The following ZMAT4 variants were observed in gnomAD, a reference collection of about 807,000 sequenced individuals.
ZMAT4 encodes zinc finger matrin-type protein 4.
Under a neutral mutation model 28.7 loss-of-function variants are expected in ZMAT4, and 17 were observed. The observed-to-expected ratio is 0.59, with a 90% CI of 0.41 to 0.89. The LOEUF (loss-of-function observed/expected upper bound fraction) is 0.89, where lower values mean the gene tolerates loss of function less well. Ranked by LOEUF, ZMAT4 falls within the 40% of genes least tolerant of loss-of-function variation. The pLI, the probability that ZMAT4 is intolerant of heterozygous loss-of-function variation, is 0.00. For synonymous variants in ZMAT4, 117 were observed against 109.2 expected (o/e 1.07, Z -0.44); for missense variants, 240 against 283.8 (o/e 0.85, Z 1.11).
At chr8:40,838,709 C>G (rs981901600) in intron 1 of ZMAT4, among the ~76,000 whole-genome samples, 1 of 152,134 alleles carries the variant, frequency 6.6e-6, no homozygotes, top group Non-Finnish European at 1.5e-5. Context: ...CTAACACCCT[C>G]TCACGCTTGC....
intron 6 of ZMAT4, among the ~76,000 whole-genome samples, chr8:40,576,130 A>C (rs1298320227): frequency 6.6e-6 from 1 of 152,126 alleles, no homozygotes; most frequent in African/African-American, 2.4e-5. Flanking sequence ...ATAGAAAAAT[A>C]ATAAAGAATA....
intron 1 of ZMAT4, among the ~76,000 whole-genome samples, chr8:40,893,452 G>A (rs553410705): frequency 1.3e-5 from 2 of 152,312 alleles, no homozygotes; most frequent in East Asian, 3.9e-4. Flanking sequence ...CAAATCTGAG[G>A]GATCTAGCTC....
chr8:40,612,195 T>C (rs968283392), intron 5 of ZMAT4, among the ~76,000 whole-genome samples: 1 of 152,236 alleles, frequency 6.6e-6, no homozygotes, highest in Non-Finnish European at 1.5e-5. Context: ...TTATATATTA[T>C]GAACACTCAA....
intron 2 of ZMAT4, among the ~76,000 whole-genome samples, chr8:40,812,856 C>T (rs1815376627): frequency 6.6e-6 from 1 of 151,894 alleles, no homozygotes; most frequent in Admixed American, 6.6e-5. Flanking sequence ...CACTTGGAAC[C>T]TGGGAGGTGA....
chr8:40,884,503 T>A (rs1456222817), intron 1 of ZMAT4: 1 of 152,298 alleles, frequency 6.6e-6, no homozygotes, highest in Non-Finnish European at 1.5e-5. Context: ...TGCCTCTCCT[T>A]GAACTCACTC....
rs565742340 is a variant in ZMAT4 at position 40,573,275 on chromosome 8, GA to G, written c.674+7889del. 2.8e-3 allele frequency among the ~76,000 whole-genome samples: 431 copies of G among 152,288 alleles called. 5 individuals are homozygous for G. The highest frequency in any genetic ancestry group is 1.3e-3 in the Non-Finnish European group (88 of 68,026). ...GCAGAAATTCATTCTCTCCATAAGA[GA>G]AGAATTAGTCACAACCTCTGGAGTC... On this transcript the variant is annotated intron_variant, in intron 6 of 6. Coordinates refer to ENST00000297737, the MANE Select transcript of ZMAT4 (RefSeq NM_024645.3).
At chr8:40,788,547 T>C (rs1391817634) in intron 2 of ZMAT4, among the ~76,000 whole-genome samples, 1 of 152,150 alleles carries the variant, frequency 6.6e-6, no homozygotes, top group African/African-American at 2.4e-5. Context: ...ATTGCACCAC[T>C]GCACAATCTC....
In ZMAT4 at chr8:40,663,205, C is replaced by G. The variant is rs951203375; in HGVS notation, c.577+11499G>C. On this transcript the variant is annotated intron_variant, in intron 5 of 6. Coordinates refer to ENST00000297737, the MANE Select transcript of ZMAT4 (RefSeq NM_024645.3). ...TTATGATCACCCTTCCCCATCTGGC[C>G]TGTAGTCATGCTGATCTCTCCGCTC... is the stretch of plus-strand genomic sequence containing the variant. 2.0e-5 allele frequency among the ~76,000 whole-genome samples: 3 copies of G among 152,182 alleles called. No homozygotes were observed. The East Asian group carries it at 5.8e-4, about 29-fold the overall frequency.
chr8:40,589,971 C>CCTTCCTTCCTT (rs1804827197), intron 5 of ZMAT4, among the ~76,000 whole-genome samples: 1 of 28,798 alleles, frequency 3.5e-5, no homozygotes, highest in African/African-American at 1.7e-4. Flanking sequence ...TTCCCTCCCT[C>CCTTCCTTCCTT]CCTTCCTTCC....
chr8:40,856,127 A>C lies in ZMAT4; in HGVS notation c.-4-30447T>G, dbSNP rs576969442. 1.8e-4 allele frequency among the ~76,000 whole-genome samples: 27 copies of C among 152,290 alleles called. No individual in the cohort carries two copies. The South Asian group carries it at 5.6e-3, about 32-fold the overall frequency. ...ACAGGACAGGCAGAGGGGATGTACA[A>C]TGAAGTTTAAATCATGCGGCTACTG... On this transcript the variant is annotated intron_variant, in intron 1 of 6. Transcript: ENST00000297737.
At chr8:40,752,925 G>A (rs1242092657) in intron 3 of ZMAT4, among the ~76,000 whole-genome samples, 6 of 151,862 alleles carry the variant, frequency 4.0e-5, no homozygotes, top group African/African-American at 1.2e-4. Context: ...TATGCAGAAC[G>A]TGCAGGTTTG....
intron 6 of ZMAT4, among the ~76,000 whole-genome samples, chr8:40,543,523 A>C (rs1341342021): frequency 6.6e-6 from 1 of 152,184 alleles, no homozygotes; most frequent in Non-Finnish European, 1.5e-5. Context: ...GACATCGAGG[A>C]TATGGAATGG....
chr8:40,716,053 A>T (rs1053895508), intron 3 of ZMAT4, among the ~76,000 whole-genome samples: 1 of 152,242 alleles, frequency 6.6e-6, no homozygotes. Flanking sequence ...TTCCACTGCT[A>T]TCTTTATCAC....
intron 6 of ZMAT4, among the ~76,000 whole-genome samples, chr8:40,563,760 C>G (rs1323116350): frequency 6.6e-6 from 1 of 152,054 alleles, no homozygotes; most frequent in Non-Finnish European, 1.5e-5. Context: ...AATTTTGTGA[C>G]AGAGGGTAAA....
rs181474545 is a variant in ZMAT4, at chr8:40,556,390, T to C, written c.675-24152A>G. On this transcript the variant is annotated intron_variant, in intron 6 of 6. Coordinates refer to ENST00000297737, the MANE Select transcript of ZMAT4 (RefSeq NM_024645.3). ...CTCAAACGAGCATTTCCTCCTTTAT[T>C]GGAGTGATACCTCCATCATCAATCC... is the stretch of plus-strand genomic sequence containing the variant. Among the ~76,000 whole-genome samples, 258 of 152,332 alleles carry C rather than the reference T, an allele frequency of 1.7e-3. 2 individuals are homozygous for C. Among genetic ancestry groups the C allele is most frequent in the East Asian group, 1.2e-3 (6 of 5,188 alleles).
At chr8:40,697,528 T>TCTCTC in intron 3 of ZMAT4, 127 bp from the exon 4 acceptor site, 1 of 1,077,746 alleles carries the variant, frequency 9.3e-7, no homozygotes, top group Non-Finnish European at 1.2e-6. Context: ...TCTCTCTCTC[T>TCTCTC]TTTTGCCTTG....
intron 2 of ZMAT4, among the ~76,000 whole-genome samples, chr8:40,800,866 C>T (rs72641543): frequency 0.1 from 15,224 of 151,840 alleles, 978 homozygotes; most frequent in South Asian, 0.16. Context: ...AAATTAAATT[C>T]AAAGCAAGCA....
rs1803249129 is a variant in ZMAT4 at position 40,547,758 on chromosome 8, T to C, written c.675-15520A>G. 2.0e-5 allele frequency among the ~76,000 whole-genome samples: 3 copies of C among 152,220 alleles called. 1 individual carries two copies. The highest frequency in any genetic ancestry group is 4.1e-4 in the South Asian group (2 of 4,834). On this transcript the variant is annotated intron_variant, in intron 6 of 6. Coordinates refer to ENST00000297737, the MANE Select transcript of ZMAT4 (RefSeq NM_024645.3). ...ATTAGGTATTTCTCTTAATCACTTT[T>C]AATGTGCCGAAAATACAGCAGAAAA...
At chr8:40,697,154 G>A (rs1809924012) in intron 4 of ZMAT4, 91 bp downstream of exon 4, 1 of 1,418,310 alleles carries the variant, frequency 7.1e-7, no homozygotes, top group Non-Finnish European at 9.4e-7. Flanking sequence ...CTCTGGTTCT[G>A]GCAACTGCGT....
Sources: allele counts gnomAD v4.1 joint callset (sites outside exome capture counted in the v4.1 genomes callset), GRCh38; gene constraint gnomAD v4.1.1; transcripts MANE v1.5; gene names NCBI Gene and HGNC (gene_info 2026-07-23, HGNC 2026-07-21).